The following TRPM2 variants were observed in gnomAD, a reference collection of about 807,000 sequenced individuals.
TRPM2 encodes estrogen-responsive element-associated gene 1 protein.
A neutral mutation model predicts 174.0 loss-of-function variants in TRPM2; 161 were observed. The ratio of observed to expected loss-of-function variants is 0.93; its 90% CI spans 0.81 to 1.05. The LOEUF (loss-of-function observed/expected upper bound fraction) is 1.05. TRPM2 is among the 50% of genes least tolerant of loss of function. The pLI is 0.00. For synonymous variants in TRPM2, 954 were observed against 861.3 expected, an observed-to-expected ratio of 1.11 and a Z score of -1.88; for missense variants, 2,057 against 2,038.0, an observed-to-expected ratio of 1.01 and a Z score of -0.18.
intron 15 of TRPM2, among the ~76,000 whole-genome samples, chr21:44,401,314 G>C (rs1435867947): frequency 6.6e-6 from 1 of 152,174 alleles, no homozygotes; most frequent in Non-Finnish European, 1.5e-5. Flanking sequence ...AGGCCTGAGC[G>C]TCCACTGAGC....
At chr21:44,389,849 T>C (rs1411735933) in intron 9 of TRPM2, among the ~76,000 whole-genome samples, 3 of 151,684 alleles carry the variant, frequency 2.0e-5, no homozygotes, top group African/African-American at 7.3e-5. Flanking sequence ...CTTCAAGATG[T>C]CTTTGAAGAG....
chr21:44,351,631 G>T (rs1194210515), upstream of TRPM2, among the ~76,000 whole-genome samples: 2 of 152,228 alleles, frequency 1.3e-5, no homozygotes, highest in African/African-American at 4.8e-5. Flanking sequence ...CCCAGAAAGG[G>T]CTGGATGGGC....
chr21:44,381,642 C>T (rs2048882045), intron 8 of TRPM2, among the ~76,000 whole-genome samples: 1 of 151,834 alleles, frequency 6.6e-6, no homozygotes, highest in Non-Finnish European at 1.5e-5. Flanking sequence ...CACTGTGGCT[C>T]ACAATTGTAA....
Position 44,354,548 on chromosome 21 carries a change from A to G in TRPM2, c.166-100A>G, listed in dbSNP as rs2146107036. The G allele has an allele frequency of 9.4e-7, 1 of 1,064,924 alleles. No homozygotes were observed. Among genetic ancestry groups the G allele is most frequent in the Non-Finnish European group, 1.4e-6 (1 of 694,016 alleles). The allele number at this position is 1,064,924 out of a possible 1,614,324, so 66.0% of individuals were successfully genotyped here. ...GCGCAGGCTTCCTTCCTTCAAGCAA[A>G]TAGTGTGAAAGCTCCTCAAGGAGCT... On this transcript the variant is annotated intron_variant, in intron 1 of 31. Transcript: ENST00000397928. The surrounding 1 kb of genome is among the most constrained non-coding windows in gnomAD (Gnocchi z 4.3).
At chr21:44,389,634 G>A (rs897327129) in intron 9 of TRPM2, among the ~76,000 whole-genome samples, 3 of 152,158 alleles carry the variant, frequency 2.0e-5, no homozygotes, top group Admixed American at 2.0e-4. Flanking sequence ...ACATTTTCCT[G>A]AGGACTACTG....
chr21:44,406,580 T>C lies in TRPM2; in HGVS notation c.2791-14T>C. ...GGCCAGGAGAGTGTAGCCCACACAC[T>C]CTCTGTCCTGCAGATGAAGGACGTC... On this transcript the variant is annotated splice_polypyrimidine_tract_variant and intron_variant, in intron 18 of 31. Coordinates refer to ENST00000397928, the MANE Select transcript of TRPM2 (RefSeq NM_003307.4). 1 of 1,604,792 alleles carries C rather than the reference T, an allele frequency of 6.2e-7. No homozygotes were observed. Among genetic ancestry groups the C allele is most frequent in the Non-Finnish European group, 8.5e-7 (1 of 1,178,562 alleles).
intron 13 of TRPM2, among the ~76,000 whole-genome samples, chr21:44,398,848 C>T (rs2049515953): frequency 6.6e-6 from 1 of 152,168 alleles, no homozygotes; most frequent in African/African-American, 2.4e-5. Context: ...ACCATAATTT[C>T]TAATTTGTGG....
At chr21:44,400,024 A>T (rs2049562001) in intron 14 of TRPM2, among the ~76,000 whole-genome samples, 1 of 152,200 alleles carries the variant, frequency 6.6e-6, no homozygotes, top group South Asian at 2.1e-4. Flanking sequence ...TACAGCCTGC[A>T]ACTGCGGGGC....
intron 8 of TRPM2, among the ~76,000 whole-genome samples, chr21:44,381,442 G>C (rs919424392): frequency 6.8e-6 from 1 of 146,204 alleles, no homozygotes; most frequent in South Asian, 2.2e-4. Context: ...TGATGGGTGG[G>C]TGTGTGGATG....
intron 22 of TRPM2, among the ~76,000 whole-genome samples, chr21:44,419,983 G>A: frequency 6.6e-6 from 1 of 152,102 alleles, no homozygotes; most frequent in South Asian, 2.1e-4. Context: ...TGGTGGTGAT[G>A]ATAGTGATGA....
rs936062431 is a variant in TRPM2 at position 44,353,625 on chromosome 21, C to A, written c.-76C>A. 5 of 1,384,870 alleles carry A rather than the reference C, an allele frequency of 3.6e-6. No homozygotes were observed. The highest frequency in any genetic ancestry group is 4.7e-6 in the Non-Finnish European group (5 of 1,069,136). 85.8% of individuals were successfully genotyped at this position (1,384,870 alleles called of 1,614,324 possible). A position where few individuals can be genotyped will look rare whatever the true frequency, so the allele number is the denominator to read the frequency against. On this transcript the variant is annotated 5_prime_UTR_variant, in exon 1 of 32. Transcript: ENST00000397928. ...GCAACCACCCCATGTGTCTCTAGAA[C>A]CCCAGTGTAGCGAGCTGGAGAGAGG...
chr21:44,351,007 G>C (rs985852805), upstream of TRPM2, among the ~76,000 whole-genome samples: 7 of 152,132 alleles, frequency 4.6e-5, no homozygotes, highest in African/African-American at 1.7e-4. Context: ...GAAGATGCCC[G>C]AGCAACCTCC....
Position 44,367,156 on chromosome 21 carries a change from A to G in TRPM2, c.604+222A>G, listed in dbSNP as rs928855. Among the ~76,000 whole-genome samples the G allele has an allele frequency of 0.034, 5,182 of 152,052 alleles. 261 individuals carry two copies. Among genetic ancestry groups the G allele is most frequent in the African/African-American group, 0.11 (4,370 of 41,476 alleles). On this transcript the variant is annotated intron_variant, in intron 4 of 31. Transcript: ENST00000397928. This position sits in a 1 kb window ranked among gnomAD's most constrained non-coding sequence, Gnocchi z 4.6. Reference sequence around the variant, plus strand: ...CTGTGGGCTGGAGATGGCTCAGTGCATGGCCCTGCTGGTGCCCAGGGCCAA... The same window carrying G: ...CTGTGGGCTGGAGATGGCTCAGTGCGTGGCCCTGCTGGTGCCCAGGGCCAA...
chr21:44,399,240 C>G lies in TRPM2; in HGVS notation c.2063-56C>G. 1.3e-6 allele frequency: 2 copies of G among 1,573,512 alleles called. No homozygotes were observed. Among genetic ancestry groups the G allele is most frequent in the Non-Finnish European group, 8.6e-7 (1 of 1,156,138 alleles). On this transcript the variant is annotated intron_variant, in intron 13 of 31. Transcript: ENST00000397928. The surrounding 1 kb of genome is among the most constrained non-coding windows in gnomAD (Gnocchi z 4.6). Reference sequence around the variant, plus strand: ...GAGTGGTTGCCCTCTGACCCGTCCCCAGGGCTCAGTGATTGTGACCTGCTG... The same window carrying G: ...GAGTGGTTGCCCTCTGACCCGTCCCGAGGGCTCAGTGATTGTGACCTGCTG...
At chr21:44,389,815 G>A (rs1002744134) in intron 9 of TRPM2, among the ~76,000 whole-genome samples, 3 of 151,810 alleles carry the variant, frequency 2.0e-5, no homozygotes, top group African/African-American at 7.3e-5. Context: ...TTTTCTCATG[G>A]TGTGTAGTTT....
chr21:44,426,827 C>A (rs1173254068), intron 26 of TRPM2, 91 bp downstream of exon 26: 29 of 1,528,006 alleles, frequency 1.9e-5, no homozygotes, highest in Non-Finnish European at 2.3e-5. Context: ...GAGCCCAGCC[C>A]GGGGAGGTCC....
chr21:44,402,948 C>T (rs935938744), intron 16 of TRPM2, among the ~76,000 whole-genome samples: 5 of 152,172 alleles, frequency 3.3e-5, no homozygotes, highest in African/African-American at 1.2e-4. Context: ...AAGCAGTGTG[C>T]ACTGTGTAAA....
rs1018345705 is a variant in TRPM2 at position 44,425,638 on chromosome 21, G to A, written c.3638-32G>A. The A allele has an allele frequency of 1.7e-5, 25 of 1,462,806 alleles. No homozygotes were observed. The East Asian group carries it at 2.6e-4, about 15-fold the overall frequency. The allele number at this position is 1,462,806 out of a possible 1,614,324, so 90.6% of individuals were successfully genotyped here. On this transcript the variant is annotated intron_variant, in intron 24 of 31. Transcript: ENST00000397928. The stretch of plus-strand genomic sequence containing the variant: ...GGGCGGGCACCTGAGCCCGGGCTCC[G>A]CCTTGCGTCACGTCTTCCTGACTGT...
At chr21:44,401,608 G>A in intron 15 of TRPM2, 73 bp from the exon 16 acceptor site, 3 of 1,507,926 alleles carry the variant, frequency 2.0e-6, no homozygotes, top group South Asian at 2.3e-5. Flanking sequence ...GGATCACGGG[G>A]TGGCCAAAGC....
Sources: gnomAD v4.1 joint callset for allele counts (sites outside exome capture counted in the v4.1 genomes callset) on GRCh38, gnomAD v4.1.1 for gene constraint, Gnocchi (gnomAD v3.1) non-coding constraint, MANE v1.5 for transcripts, NCBI Gene and HGNC (gene_info 2026-07-23, HGNC 2026-07-21) for gene names.